DENND5A: variants seen among roughly 807,000 people sequenced by gnomAD.
DENND5A encodes DENN domain containing 5A.
A neutral mutation model predicts 140.3 loss-of-function variants in DENND5A; 64 were observed. The ratio of observed to expected loss-of-function variants is 0.46; its 90% CI spans 0.37 to 0.56. The LOEUF is 0.56. Ranked by LOEUF, DENND5A falls within the 20% of genes least tolerant of loss-of-function variation. DENND5A has a pLI of 0.00. For synonymous variants in DENND5A, 605 were observed against 607.7 expected (o/e 1.00, Z 0.07); for missense variants, 1,292 against 1,593.8 (o/e 0.81, Z 3.22).
rs145790959 is a variant in DENND5A at position 9,253,458 on chromosome 11, T to C, written c.109+11503A>G. On this transcript the variant is annotated intron_variant, in intron 1 of 22. Coordinates refer to ENST00000328194, the MANE Select transcript of DENND5A (RefSeq NM_015213.4). ...CCCTGCCTGATGGAGTCAAATAGCG[T>C]TCTCTTTAGAATATACAGTCTCAGC... is the stretch of plus-strand genomic sequence containing the variant. Among the ~76,000 whole-genome samples the C allele has an allele frequency of 1.0e-3, 152 of 152,242 alleles. 1 individual carries two copies. The highest frequency in any genetic ancestry group is 3.6e-3 in the African/African-American group (149 of 41,548).
chr11:9,147,155 T>G lies in DENND5A; in HGVS notation c.2736-4A>C, dbSNP rs1847459162. The G allele has an allele frequency of 2.5e-6, 4 of 1,613,780 alleles. No individual in the cohort carries two copies. The South Asian group carries it at 3.3e-5, about 13-fold the overall frequency. On this transcript the variant is annotated splice_polypyrimidine_tract_variant and splice_region_variant and intron_variant, in intron 15 of 22. Coordinates refer to ENST00000328194, the MANE Select transcript of DENND5A (RefSeq NM_015213.4). ...GGCATAGCGCTTATATAACTTTCTG[T>G]TGGAGAGGAGGTAATACATCAGTCT...
At chr11:9,178,762 CTTCCATTACTTCTTCGAGTAATT>C in intron 7 of DENND5A, 73 bp downstream of exon 7, 1 of 1,039,406 alleles carries the variant, frequency 9.6e-7, no homozygotes, top group South Asian at 1.4e-5. Context: ...ATATGATAAT[CTTCCATTACTTCTTCGAGTAATT>C]TTCCATTACT....
intron 19 of DENND5A, among the ~76,000 whole-genome samples, 182 bp from the exon 20 acceptor site, chr11:9,143,667 A>G (rs866889080): frequency 1.2e-4 from 19 of 152,192 alleles, no homozygotes; most frequent in African/African-American, 4.6e-4. Flanking sequence ...ATCTTGGGGG[A>G]AAAACACAAA....
rs150046134 is a variant in DENND5A at position 9,150,826 on chromosome 11, T to C, written c.2522-62A>G. 6.9e-4 allele frequency: 713 copies of C among 1,037,662 alleles called. 3 individuals are homozygous for C. In the African/African-American group the frequency reaches 0.01, roughly 15 times the overall value. The allele number at this position is 1,037,662 out of a possible 1,614,324, so 64.3% of individuals were successfully genotyped here. On this transcript the variant is annotated intron_variant, in intron 13 of 22. Coordinates refer to ENST00000328194, the MANE Select transcript of DENND5A (RefSeq NM_015213.4). Reference sequence around the variant, plus strand: ...GAATATCCAAATAGCTGACTGCCCTTCCCTTACCTTAAATCACAAATTGCT... The same window carrying C: ...GAATATCCAAATAGCTGACTGCCCTCCCCTTACCTTAAATCACAAATTGCT...
chr11:9,249,462 C>A (rs1488143661), intron 1 of DENND5A, among the ~76,000 whole-genome samples: 2 of 152,168 alleles, frequency 1.3e-5, no homozygotes, highest in African/African-American at 2.4e-5. Flanking sequence ...ACCTCCCAGG[C>A]TCAAACGATC....
At chr11:9,184,725 T>C (rs1163838202) in intron 5 of DENND5A, among the ~76,000 whole-genome samples, 1 of 152,362 alleles carries the variant, frequency 6.6e-6, no homozygotes, top group South Asian at 2.1e-4. Context: ...AAATGTGCAT[T>C]TTTTACGCAA....
chr11:9,178,148 G>A lies in DENND5A; in HGVS notation c.1890C>T (p.Thr630=), dbSNP rs144455339. ...TLRTSMYQKC[T]TVDEAEKAIE... ...AGGCCTTACCTGCTTCATCCACAGT[G>A]GTACACTTCTGGTACATGGATGTAC... The change falls in exon 8 of 23, where the codon ACC becomes ACT. Residue 630 remains threonine (T), a synonymous_variant. Coordinates refer to ENST00000328194, the MANE Select transcript of DENND5A (RefSeq NM_015213.4). 1.2e-6 allele frequency: 2 copies of A among 1,612,884 alleles called. No homozygotes were observed. The highest frequency in any genetic ancestry group is 1.3e-5 in the African/African-American group (1 of 74,888).
chr11:9,164,194 A>ATTTTTTTTTTT (rs779522112), intron 11 of DENND5A, among the ~76,000 whole-genome samples: 1 of 79,066 alleles, frequency 1.3e-5, no homozygotes, highest in African/African-American at 4.8e-5. Flanking sequence ...ACCACGCCTA[A>ATTTTTTTTTTT]TTTTTTTTTT....
intron 12 of DENND5A, among the ~76,000 whole-genome samples, chr11:9,154,372 G>C (rs1293427645): frequency 6.6e-6 from 1 of 152,130 alleles, no homozygotes; most frequent in African/African-American, 2.4e-5. Context: ...TGCTACACGA[G>C]ATGCTTCTGA....
At chr11:9,152,556 A>G (rs1463618142) in intron 12 of DENND5A, 114 bp from the exon 13 acceptor site, 5 of 760,330 alleles carry the variant, frequency 6.6e-6, no homozygotes, top group Non-Finnish European at 1.2e-5. Flanking sequence ...TCTTGTTTCA[A>G]TGTACATCCA....
chr11:9,199,853 C>A (rs1435380593), intron 4 of DENND5A, among the ~76,000 whole-genome samples: 1 of 152,124 alleles, frequency 6.6e-6, no homozygotes, highest in East Asian at 1.9e-4. Context: ...TCAAGAAAAC[C>A]AACCTAAATT....
intron 12 of DENND5A, among the ~76,000 whole-genome samples, chr11:9,158,047 A>G (rs1431597279): frequency 6.6e-6 from 1 of 152,244 alleles, no homozygotes; most frequent in African/African-American, 2.4e-5. Flanking sequence ...GTTGTTTACA[A>G]TACTGAAAAA....
chr11:9,199,816 T>A (rs1442662378), intron 4 of DENND5A, among the ~76,000 whole-genome samples: 2 of 152,218 alleles, frequency 1.3e-5, no homozygotes, highest in African/African-American at 2.4e-5. Flanking sequence ...ACAAGGAAGA[T>A]GTCCTTGGAT....
At chr11:9,190,649 G>A (rs1264424542) in intron 5 of DENND5A, among the ~76,000 whole-genome samples, 1 of 152,132 alleles carries the variant, frequency 6.6e-6, no homozygotes, top group Non-Finnish European at 1.5e-5. Flanking sequence ...TTTCTCAGCA[G>A]TGTAAAAATG....
chr11:9,165,349 T>G (rs2136148535), intron 11 of DENND5A, among the ~76,000 whole-genome samples: 1 of 152,328 alleles, frequency 6.6e-6, no homozygotes, highest in African/African-American at 2.4e-5. Context: ...AAGCAAAGCA[T>G]GCATGCTCTC....
chr11:9,257,050 A>C (rs912582782), intron 1 of DENND5A, among the ~76,000 whole-genome samples: 2 of 151,940 alleles, frequency 1.3e-5, no homozygotes, highest in Admixed American at 6.6e-5. Context: ...AGACCAAGTC[A>C]CTCAGGCTGG....
chr11:9,237,318 G>A (rs1002555381), intron 1 of DENND5A, among the ~76,000 whole-genome samples: 1 of 152,182 alleles, frequency 6.6e-6, no homozygotes, highest in Non-Finnish European at 1.5e-5. Context: ...TACTTGGGAG[G>A]CTGAGGCAGG....
intron 15 of DENND5A, among the ~76,000 whole-genome samples, chr11:9,147,524 G>A (rs540701321): frequency 1.3e-5 from 2 of 152,328 alleles, no homozygotes; most frequent in South Asian, 2.1e-4. Flanking sequence ...TGGTGTGTGA[G>A]TGGCAGTGGA....
At chr11:9,250,843 A>C (rs888760230) in intron 1 of DENND5A, among the ~76,000 whole-genome samples, 3 of 152,112 alleles carry the variant, frequency 2.0e-5, no homozygotes, top group African/African-American at 7.2e-5. Context: ...TTAGAAATCA[A>C]GGACTTCCGG....
Sources: gnomAD v4.1 joint callset for allele counts (sites outside exome capture counted in the v4.1 genomes callset) on GRCh38, gnomAD v4.1.1 for gene constraint, MANE v1.5 for transcripts, NCBI Gene and HGNC (gene_info 2026-07-23, HGNC 2026-07-21) for gene names.